Variants in B3GALT1 observed in about 807,000 individuals in gnomAD.
B3GALT1 encodes beta-1,3-galactosyltransferase 1.
Under a neutral mutation model 23.2 loss-of-function variants are expected in B3GALT1, and 10 were observed. The observed-to-expected ratio is 0.43, with a 90% CI of 0.27 to 0.73. The LOEUF is 0.73. Among genes scored for constraint, B3GALT1 ranks in the 30% least tolerant of loss-of-function variants. The pLI is 0.21. For missense variants in B3GALT1, 299 were observed against 405.4 expected, an observed-to-expected ratio of 0.74 and a Z score of 2.25; for synonymous variants, 156 against 141.5, an observed-to-expected ratio of 1.10 and a Z score of -0.73.
At chr2:167,592,393 C>T (rs1452970525) in intron 2 of B3GALT1, among the ~76,000 whole-genome samples, 1 of 152,126 alleles carries the variant, frequency 6.6e-6, no homozygotes, top group Non-Finnish European at 1.5e-5. Flanking sequence ...TGCTCCTAGG[C>T]ATAGGAGGGA....
At chr2:167,602,822 AT>A (rs1267347747) in intron 2 of B3GALT1, among the ~76,000 whole-genome samples, 7 of 152,156 alleles carry the variant, frequency 4.6e-5, no homozygotes, top group Admixed American at 3.9e-4. Context: ...TAAAAAAAAA[AT>A]CAATCTATTT....
Position 167,482,522 on chromosome 2 carries a change from A to G in B3GALT1, c.-510-7655A>G, listed in dbSNP as rs11900374. On this transcript the variant is annotated intron_variant, in intron 1 of 4. Coordinates refer to ENST00000392690, the MANE Select transcript of B3GALT1 (RefSeq NM_020981.4). ...AGGCCATTGTTTCTCAAACTTCTACAATATATACCGTGTCTTTAAGACAAA... is the reference window on the plus strand; with the variant it reads ...AGGCCATTGTTTCTCAAACTTCTACGATATATACCGTGTCTTTAAGACAAA... 4.1e-3 allele frequency among the ~76,000 whole-genome samples: 620 copies of G among 152,306 alleles called. 4 individuals are homozygous for G. The highest frequency in any genetic ancestry group is 0.014 in the African/African-American group (575 of 41,568).
Position 167,386,142 on chromosome 2 carries a change from A to G in B3GALT1, c.-511+92808A>G, listed in dbSNP as rs144844897. Among the ~76,000 whole-genome samples the G allele has an allele frequency of 2.9e-3, 444 of 152,300 alleles. 1 individual carries two copies. Among genetic ancestry groups the G allele is most frequent in the African/African-American group, 9.5e-3 (393 of 41,560 alleles). ...ACGAGACTTGAGATTGATACACAGT[A>G]GGAACTCTGGTTATCTTTTCTTCAG... On this transcript the variant is annotated intron_variant, in intron 1 of 4. Transcript: ENST00000392690.
At chr2:167,679,021 A>C (rs765373779) in intron 3 of B3GALT1, among the ~76,000 whole-genome samples, 1 of 151,944 alleles carries the variant, frequency 6.6e-6, no homozygotes, top group African/African-American at 2.4e-5. Context: ...AACCTTTCCA[A>C]TCTTTTTATA....
chr2:167,836,686 G>C (rs1231548275), intron 4 of B3GALT1, among the ~76,000 whole-genome samples: 1 of 152,148 alleles, frequency 6.6e-6, no homozygotes, highest in Non-Finnish European at 1.5e-5. Context: ...ACACCACAAA[G>C]ATAATCCTCA....
At chr2:167,646,165 C>G (rs751981651) in intron 2 of B3GALT1, among the ~76,000 whole-genome samples, 4 of 152,026 alleles carry the variant, frequency 2.6e-5, no homozygotes, top group Non-Finnish European at 5.9e-5. Flanking sequence ...ATTAAATTTC[C>G]TGAGGATAAA....
chr2:167,429,394 T>C (rs1698674719), intron 1 of B3GALT1, among the ~76,000 whole-genome samples: 1 of 152,096 alleles, frequency 6.6e-6, no homozygotes, highest in South Asian at 2.1e-4. Flanking sequence ...CTAAAATTTA[T>C]TAACTGAAAA....
At chr2:167,369,061 TTGTGTGTGTGTGTG>T (rs60938716) in intron 1 of B3GALT1, among the ~76,000 whole-genome samples, 30 of 147,580 alleles carry the variant, frequency 2.0e-4, no homozygotes, top group African/African-American at 5.1e-4. Flanking sequence ...AAACTCTTAT[TTGTGTGTGTGTGTG>T]TGTGTGTGTG....
chr2:167,345,364 A>G (rs189146929), intron 1 of B3GALT1, among the ~76,000 whole-genome samples: 153 of 152,240 alleles, frequency 1.0e-3, no homozygotes, highest in Middle Eastern at 3.4e-3. Flanking sequence ...GGAGATTGCT[A>G]CTGACCACCC....
At chr2:167,514,733 G>C (rs1170569266) in intron 2 of B3GALT1, among the ~76,000 whole-genome samples, 3 of 152,136 alleles carry the variant, frequency 2.0e-5, no homozygotes, top group Non-Finnish European at 4.4e-5. Flanking sequence ...GCTAATCCTG[G>C]CTTCTAACTG....
chr2:167,671,557 A>G (rs760035122), intron 3 of B3GALT1, among the ~76,000 whole-genome samples: 1 of 152,196 alleles, frequency 6.6e-6, no homozygotes, highest in Non-Finnish European at 1.5e-5. Flanking sequence ...CACCTAAACA[A>G]TATGTCAAAG....
intron 1 of B3GALT1, among the ~76,000 whole-genome samples, chr2:167,355,152 G>A (rs1697380594): frequency 6.6e-6 from 1 of 152,206 alleles, no homozygotes; most frequent in African/African-American, 2.4e-5. Flanking sequence ...TGGTCATTAA[G>A]CATAAGTTTC....
chr2:167,668,808 C>CGCGCACGGTGCCTT (rs1558943350), intron 3 of B3GALT1, among the ~76,000 whole-genome samples: 3 of 152,196 alleles, frequency 2.0e-5, no homozygotes, highest in East Asian at 3.9e-4. Context: ...TGCTTCGGCT[C>CGCGCACGGTGCCTT]GCGCACGGTG....
chr2:167,378,702 T>A (rs905662161), intron 1 of B3GALT1, among the ~76,000 whole-genome samples: 11 of 152,148 alleles, frequency 7.2e-5, no homozygotes, highest in Non-Finnish European at 1.5e-4. Flanking sequence ...AGATATCTAT[T>A]TCTTATTTCA....
At chr2:167,626,138 G>A (rs1685339805) in intron 2 of B3GALT1, among the ~76,000 whole-genome samples, 1 of 151,056 alleles carries the variant, frequency 6.6e-6, no homozygotes, top group Non-Finnish European at 1.5e-5. Context: ...GTCATGAGCA[G>A]AATAAAAACT....
chr2:167,499,244 T>C (rs959585655), intron 2 of B3GALT1, among the ~76,000 whole-genome samples: 11 of 152,194 alleles, frequency 7.2e-5, no homozygotes, highest in African/African-American at 2.7e-4. Context: ...ATTTGATACT[T>C]ACATCATTAT....
chr2:167,367,613 A>G (rs551974219), intron 1 of B3GALT1, among the ~76,000 whole-genome samples: 7 of 152,330 alleles, frequency 4.6e-5, no homozygotes, highest in Non-Finnish European at 4.4e-5. Flanking sequence ...CTGCAATTCT[A>G]TTAAGAATTG....
intron 1 of B3GALT1, among the ~76,000 whole-genome samples, chr2:167,382,738 G>GGGCGGAGCAGGTC (rs1158990310): frequency 6.6e-6 from 1 of 152,130 alleles, no homozygotes; most frequent in Non-Finnish European, 1.5e-5. Context: ...TGGGGGAGGT[G>GGGCGGAGCAGGTC]GGCGGAGCAG....
intron 1 of B3GALT1, among the ~76,000 whole-genome samples, chr2:167,391,260 G>A (rs1183737653): frequency 1.3e-5 from 2 of 152,166 alleles, no homozygotes; most frequent in Non-Finnish European, 2.9e-5. Context: ...CATTTATGTG[G>A]CAGGTTTGAT....
Sources: gnomAD v4.1 joint callset for allele counts (sites outside exome capture counted in the v4.1 genomes callset) on GRCh38, gnomAD v4.1.1 for gene constraint, MANE v1.5 for transcripts, NCBI Gene and HGNC (gene_info 2026-07-23, HGNC 2026-07-21) for gene names.